Variants in MARCHF7 observed in about 807,000 individuals in gnomAD.
MARCHF7 encodes the protein membrane associated ring-CH-type finger 7, also known as E3 ubiquitin-protein ligase MARCHF7.
MARCHF7 carries 20 observed loss-of-function variants against 76.5 expected under a neutral mutation model. The ratio of observed to expected loss-of-function variants is 0.26; its 90% CI spans 0.18 to 0.38. The LOEUF is 0.38. MARCHF7 is among the 10% of genes least tolerant of loss of function. MARCHF7 has a pLI of 1.00. For missense variants in MARCHF7, 797 were observed against 812.9 expected, an observed-to-expected ratio of 0.98 and a Z score of 0.24; for synonymous variants, 295 against 293.0, an observed-to-expected ratio of 1.01 and a Z score of -0.07.
In MARCHF7 at chr2:159,759,291, G is replaced by A. The variant is rs774151196; in HGVS notation, c.1849G>A (p.Asp617Asn). ...AGAGAAGTTGGAGCTTAACCTGGAG[G>A]ATTTTGATATTCATGAACTACATAG... ...CKEKLELNLE[D>N]FDIHELHRAH... The change falls in exon 9 of 12, where the codon GAT becomes AAT. Residue 617 changes from aspartate (D) to asparagine (N), a missense_variant. Around this residue, in one of 3 missense-constraint regions of MARCHF7, gnomAD observed 124 missense variants for 121.3 expected, o/e 1.02. Coordinates refer to ENST00000409175, the MANE Select transcript of MARCHF7 (RefSeq NM_001282805.2). 3.1e-6 allele frequency: 5 copies of A among 1,612,370 alleles called. No homozygotes were observed. In the Admixed American group the frequency reaches 8.3e-5, roughly 27 times the overall value.
In MARCHF7 at chr2:159,745,874, G is replaced by A. The variant is rs1204684467; in HGVS notation, c.451G>A (p.Asp151Asn). 1 of 1,612,942 alleles carries A rather than the reference G, an allele frequency of 6.2e-7. No individual in the cohort carries two copies. The highest frequency in any genetic ancestry group is 8.5e-7 in the Non-Finnish European group (1 of 1,179,294). Residue 151 changes from aspartate (D) to asparagine (N), a missense_variant, in exon 6 of 12, where the codon GAT becomes AAT. Around this residue, in one of 3 missense-constraint regions of MARCHF7, gnomAD observed 643 missense variants for 631.5 expected, o/e 1.02. Transcript: ENST00000409175. ...GAGGAGAGATTTGGAGAGAAGAACAGATTCCTCTATTAGTAATCTTATGGA... is the reference window on the plus strand; with the variant it reads ...GAGGAGAGATTTGGAGAGAAGAACAAATTCCTCTATTAGTAATCTTATGGA... The part of the protein sequence containing the change: ...RERRDLERRT[D>N]SSISNLMDYS...
intron 6 of MARCHF7, among the ~76,000 whole-genome samples, chr2:159,746,807 T>G (rs1414349342): frequency 6.6e-6 from 1 of 152,264 alleles, no homozygotes; most frequent in Non-Finnish European, 1.5e-5. Flanking sequence ...GAGTTTGATT[T>G]ACATAGTAGG....
chr2:159,746,332 G>T lies in MARCHF7; in HGVS notation c.514+395G>T, dbSNP rs1704879094. Among the ~76,000 whole-genome samples, 3 of 152,304 alleles carry T rather than the reference G, an allele frequency of 2.0e-5. No homozygotes were observed. In the South Asian group the frequency reaches 6.2e-4, roughly 32 times the overall value. On this transcript the variant is annotated intron_variant, in intron 6 of 11. Coordinates refer to ENST00000409175, the MANE Select transcript of MARCHF7 (RefSeq NM_001282805.2). ...AAATCACCATTTTAAGGCATAATTT[G>T]CAATTACTTTAGTATAACATGGATG...
chr2:159,765,206 G>GTTT (rs34918190), intron 11 of MARCHF7, among the ~76,000 whole-genome samples: 2,276 of 150,190 alleles, frequency 0.015, 40 homozygotes, highest in African/African-American at 0.051. Flanking sequence ...GTGGTAGTGG[G>GTTT]TTTTTTTTTG....
In MARCHF7 at chr2:159,715,398, G is replaced by C. The variant is rs531078583; in HGVS notation, c.-100-283G>C. On this transcript the variant is annotated intron_variant, in intron 2 of 11. Coordinates refer to ENST00000409175, the MANE Select transcript of MARCHF7 (RefSeq NM_001282805.2). ...TTTTGTGTGTGTGAGTGTGTGACAG[G>C]GTCTCACTCTGTTTTTTAGGCTGCT... 1.1e-3 allele frequency among the ~76,000 whole-genome samples: 169 copies of C among 152,130 alleles called. 1 individual carries two copies. Among genetic ancestry groups the C allele is most frequent in the Middle Eastern group, 3.4e-3 (1 of 294 alleles).
At chr2:159,725,129 G>A (rs1000840721) in intron 3 of MARCHF7, among the ~76,000 whole-genome samples, 1 of 152,162 alleles carries the variant, frequency 6.6e-6, no homozygotes, top group Non-Finnish European at 1.5e-5. Flanking sequence ...TGTGAGTAGT[G>A]CCACAGTAAA....
At chr2:159,753,299 C>T (rs1705878235) in intron 8 of MARCHF7, among the ~76,000 whole-genome samples, 1 of 151,962 alleles carries the variant, frequency 6.6e-6, no homozygotes, top group African/African-American at 2.4e-5. Flanking sequence ...AGGCCGGGCG[C>T]GGTGGCTCAT....
rs1013418365 is a variant in MARCHF7, at chr2:159,747,277, GA to G, written c.515-519del. On this transcript the variant is annotated intron_variant, in intron 6 of 11. Transcript: ENST00000409175. Reference sequence around the variant, plus strand: ...AAGAACCACAGCTGTTAACCTGAAAGAAAAAAAAATTGGAAAAATTTTTAGC... The same window carrying G: ...AAGAACCACAGCTGTTAACCTGAAAGAAAAAAAATTGGAAAAATTTTTAGC... Among the ~76,000 whole-genome samples the G allele has an allele frequency of 8.0e-5, 12 of 150,490 alleles. No homozygotes were observed. In the South Asian group the frequency reaches 8.4e-4, roughly 10 times the overall value.
chr2:159,766,318 GT>G (rs1707755923), intron 11 of MARCHF7, among the ~76,000 whole-genome samples: 1 of 152,154 alleles, frequency 6.6e-6, no homozygotes, highest in Admixed American at 6.5e-5. Flanking sequence ...TCATGACTTA[GT>G]TATATGCTTT....
rs1192469703 is a variant in MARCHF7 at position 159,714,569 on chromosome 2, T to C, written c.-130T>C. The C allele has an allele frequency of 6.6e-6, 1 of 152,254 alleles. No individual in the cohort carries two copies. The highest frequency in any genetic ancestry group is 2.4e-5 in the African/African-American group (1 of 41,468). The allele number at this position is 152,254 out of a possible 1,614,324, so 9.4% of individuals were successfully genotyped here. The stretch of plus-strand genomic sequence containing the variant: ...TGGTTTGTTTTAGGAATTCATGATT[T>C]GTTCCTGTAGCTGAAACATACATTG... On this transcript the variant is annotated 5_prime_UTR_variant, in exon 2 of 12. Transcript: ENST00000409175.
chr2:159,728,838 A>G (rs1043810788), intron 3 of MARCHF7, among the ~76,000 whole-genome samples, 171 bp from the exon 4 acceptor site: 1 of 152,188 alleles, frequency 6.6e-6, no homozygotes, highest in African/African-American at 2.4e-5. Flanking sequence ...GAAACCTTTG[A>G]TGAACTTCTG....
intron 4 of MARCHF7, among the ~76,000 whole-genome samples, chr2:159,734,385 G>C (rs1436366433): frequency 6.9e-6 from 1 of 145,662 alleles, no homozygotes; most frequent in African/African-American, 2.4e-5. Flanking sequence ...ATTTTGCATA[G>C]TGTAGAACCA....
chr2:159,726,607 C>A (rs1188567062), intron 3 of MARCHF7, among the ~76,000 whole-genome samples: 2 of 152,148 alleles, frequency 1.3e-5, no homozygotes, highest in Non-Finnish European at 2.9e-5. Context: ...CCACATGCAC[C>A]ATTACCCCCA....
At chr2:159,757,597 C>G (rs1312180787) in intron 8 of MARCHF7, among the ~76,000 whole-genome samples, 2 of 152,200 alleles carry the variant, frequency 1.3e-5, no homozygotes, top group African/African-American at 4.8e-5. Flanking sequence ...GAGCCGTGAT[C>G]ATGCCACTGC....
intron 4 of MARCHF7, among the ~76,000 whole-genome samples, chr2:159,738,968 G>C (rs764107300): frequency 6.6e-6 from 1 of 152,206 alleles, no homozygotes; most frequent in Non-Finnish European, 1.5e-5. Context: ...CTTTGTGCTT[G>C]TTGGTGCCCA....
At chr2:159,725,991 AGTCTGTGG>A (rs1488922177) in intron 3 of MARCHF7, among the ~76,000 whole-genome samples, 2 of 152,142 alleles carry the variant, frequency 1.3e-5, no homozygotes, top group Admixed American at 1.3e-4. Flanking sequence ...ACCACAAAAG[AGTCTGTGG>A]GTCTCAATAC....
intron 11 of MARCHF7, among the ~76,000 whole-genome samples, chr2:159,766,970 T>C (rs1482479067): frequency 1.3e-5 from 2 of 152,096 alleles, no homozygotes; most frequent in Non-Finnish European, 2.9e-5. Flanking sequence ...TTATATATCA[T>C]TAGCTACTAT....
intron 8 of MARCHF7, among the ~76,000 whole-genome samples, chr2:159,754,243 G>A (rs1385150589): frequency 6.6e-6 from 1 of 152,150 alleles, no homozygotes; most frequent in Non-Finnish European, 1.5e-5. Flanking sequence ...GAGAACAGAG[G>A]AGATTTGAAA....
chr2:159,756,699 A>G (rs1168337232), intron 8 of MARCHF7, among the ~76,000 whole-genome samples: 1 of 150,860 alleles, frequency 6.6e-6, no homozygotes, highest in African/African-American at 2.4e-5. Context: ...AAAAAAAAAA[A>G]AAAAAAAAAA....
Sources: allele counts gnomAD v4.1 joint callset (sites outside exome capture counted in the v4.1 genomes callset), GRCh38; gene constraint gnomAD v4.1.1; regional missense constraint gnomAD v4.1.1; transcripts MANE v1.5; gene names NCBI Gene and HGNC (gene_info 2026-07-23, HGNC 2026-07-21).